The following TANC1 variants were observed in gnomAD, a reference collection of about 807,000 sequenced individuals.
The protein encoded by TANC1 is tetratricopeptide repeat, ankyrin repeat and coiled-coil containing 1, also known as protein TANC1.
In TANC1, 77 loss-of-function variants were observed where a neutral mutation model predicts 149.7. The observed-to-expected ratio is 0.51, with a 90% confidence interval of 0.43 to 0.62. The LOEUF (loss-of-function observed/expected upper bound fraction) is 0.62. TANC1 is among the 20% of genes least tolerant of loss of function. The probability of loss-of-function intolerance (pLI) is 0.00; values close to 1 mark genes in which losing one functional copy is unlikely to be tolerated. For missense variants in TANC1, 1,985 were observed against 2,321.8 expected (o/e 0.85, Z 2.98); for synonymous variants, 854 against 925.0 (o/e 0.92, Z 1.39).
chr2:159,016,776 G>GCA (rs2038320310), intron 2 of TANC1, among the ~76,000 whole-genome samples: 3 of 151,916 alleles, frequency 2.0e-5, no homozygotes, highest in East Asian at 1.9e-4. Context: ...GGGTTTCACT[G>GCA]TGTTAGCCAG....
intron 3 of TANC1, among the ~76,000 whole-genome samples, chr2:159,094,467 G>C (rs1056477903): frequency 1.3e-5 from 2 of 152,154 alleles, no homozygotes; most frequent in African/African-American, 4.8e-5. Context: ...AGAGTGAGGT[G>C]GTGATGAGAA....
chr2:158,995,666 T>C (rs1025955959), intron 1 of TANC1, among the ~76,000 whole-genome samples: 1 of 152,190 alleles, frequency 6.6e-6, no homozygotes, highest in Non-Finnish European at 1.5e-5. Flanking sequence ...TCATTTTGCC[T>C]CCCTTCCTCC....
intron 3 of TANC1, among the ~76,000 whole-genome samples, chr2:159,082,039 G>C (rs760175508): frequency 6.6e-6 from 1 of 152,188 alleles, no homozygotes. Context: ...GCCCAGCCCT[G>C]CCCTGCCCAG....
intron 19 of TANC1, among the ~76,000 whole-genome samples, chr2:159,205,748 A>G (rs150260440): frequency 1.3e-3 from 203 of 152,340 alleles, no homozygotes; most frequent in Non-Finnish European, 1.9e-3. Context: ...GTCATTGATG[A>G]TGTGTGGCCT....
chr2:159,162,367 T>C (rs376238360), intron 7 of TANC1, among the ~76,000 whole-genome samples: 1 of 152,062 alleles, frequency 6.6e-6, no homozygotes, highest in East Asian at 1.9e-4. Context: ...TCGGTGGACA[T>C]GGCCCCTGTT....
intron 11 of TANC1, among the ~76,000 whole-genome samples, chr2:159,174,396 T>C (rs1478043319): frequency 1.3e-5 from 2 of 152,096 alleles, no homozygotes; most frequent in Non-Finnish European, 2.9e-5. Flanking sequence ...AGTGCCCCTG[T>C]AGAACTCCTC....
At chr2:159,081,825 GGCCCCAT>G (rs1285857241) in intron 3 of TANC1, among the ~76,000 whole-genome samples, 2 of 152,118 alleles carry the variant, frequency 1.3e-5, no homozygotes, top group African/African-American at 2.4e-5. Flanking sequence ...GCTCCTCCCT[GGCCCCAT>G]GGGCCAGGCC....
At position 159,168,216 on chromosome 2, in the gene TANC1, A is replaced by C. The variant is rs561309246; in HGVS notation, c.947-1034A>C. ...AAACGTGTACTATGTACTTGCTTCT[A>C]AGATTTCTTGAGAATTAGCAAAATT... On this transcript the variant is annotated intron_variant, in intron 8 of 26. Coordinates refer to ENST00000263635, the MANE Select transcript of TANC1 (RefSeq NM_033394.3). 3.9e-5 allele frequency among the ~76,000 whole-genome samples: 6 copies of C among 152,302 alleles called. No homozygotes were observed. In the East Asian group the frequency reaches 1.2e-3, roughly 29 times the overall value.
At chr2:159,024,379 C>G (rs1011495188) in intron 2 of TANC1, among the ~76,000 whole-genome samples, 7 of 152,280 alleles carry the variant, frequency 4.6e-5, no homozygotes, top group South Asian at 2.1e-4. Context: ...CCTTTACAGT[C>G]ACTCACTGAC....
chr2:159,090,313 A>G (rs1180878382), intron 3 of TANC1, among the ~76,000 whole-genome samples: 2 of 152,248 alleles, frequency 1.3e-5, no homozygotes, highest in African/African-American at 2.4e-5. Flanking sequence ...TACTTAGTAC[A>G]GTAGGCCTTG....
At chr2:159,004,107 C>T (rs1270682703) in intron 2 of TANC1, 5 of 1,611,144 alleles carry the variant, frequency 3.1e-6, no homozygotes, top group East Asian at 2.2e-5. Flanking sequence ...AATTACTGGT[C>T]ATGCAGAAGC....
chr2:159,194,617 G>A, intron 17 of TANC1, 124 bp downstream of exon 17: 1 of 864,150 alleles, frequency 1.2e-6, no homozygotes. Flanking sequence ...GAAAGGGTCG[G>A]GCTCCAGGGA....
chr2:159,130,080 CCAGCTCCTAGAGGAGCTGGTTGT>C (rs1390904280), intron 4 of TANC1, among the ~76,000 whole-genome samples: 6 of 152,176 alleles, frequency 3.9e-5, no homozygotes, highest in Admixed American at 2.6e-4. Context: ...TGGAGACATG[CCAGCTCCTAGAGGAGCTGGTTGT>C]CAGCTAATAC....
intron 3 of TANC1, among the ~76,000 whole-genome samples, chr2:159,072,961 G>C (rs2043290282): frequency 6.6e-6 from 1 of 152,160 alleles, no homozygotes; most frequent in African/African-American, 2.4e-5. Flanking sequence ...GAAGCTCTGA[G>C]TCATTTGTCT....
intron 26 of TANC1, 149 bp from the exon 27 acceptor site, chr2:159,229,429 C>A (rs2060216471): frequency 3.0e-6 from 2 of 659,530 alleles, no homozygotes; most frequent in Non-Finnish European, 5.1e-6. Context: ...TTACTCTGGG[C>A]TGGTTAAGTG....
intron 2 of TANC1, among the ~76,000 whole-genome samples, chr2:159,020,302 C>G (rs1380815564): frequency 6.6e-6 from 1 of 152,022 alleles, no homozygotes; most frequent in Non-Finnish European, 1.5e-5. Context: ...TTCGTAGAGA[C>G]AGGGTTTCGC....
At chr2:159,172,558 CTGCATG>C (rs1348570893) in intron 11 of TANC1, among the ~76,000 whole-genome samples, 1 of 152,198 alleles carries the variant, frequency 6.6e-6, no homozygotes, top group Non-Finnish European at 1.5e-5. Flanking sequence ...CCATGCTTAT[CTGCATG>C]TGCTCTTCCT....
At chr2:159,036,371 T>C (rs895907563) in intron 2 of TANC1, among the ~76,000 whole-genome samples, 1 of 152,158 alleles carries the variant, frequency 6.6e-6, no homozygotes, top group Non-Finnish European at 1.5e-5. Context: ...AAAATTATTA[T>C]TATTATACTT....
At chr2:158,974,113 G>A (rs2033300374) in intron 1 of TANC1, among the ~76,000 whole-genome samples, 1 of 152,152 alleles carries the variant, frequency 6.6e-6, no homozygotes, top group Admixed American at 6.5e-5. Flanking sequence ...GAATACTATG[G>A]CAGGGATGGT....
Sources: gnomAD v4.1 joint callset for allele counts (sites outside exome capture counted in the v4.1 genomes callset) on GRCh38, gnomAD v4.1.1 for gene constraint, MANE v1.5 for transcripts, NCBI Gene and HGNC (gene_info 2026-07-23, HGNC 2026-07-21) for gene names.